Variants in TMEM132C observed in about 807,000 individuals in gnomAD.
TMEM132C encodes the protein protein phosphatase 1, regulatory subunit 152.
TMEM132C carries 29 observed loss-of-function variants against 61.4 expected under a neutral mutation model. That is an observed-to-expected ratio of 0.47 (90% CI 0.35 to 0.64). The LOEUF is 0.64. Ranked by LOEUF, TMEM132C falls within the 30% of genes least tolerant of loss-of-function variation. The pLI, the probability that TMEM132C is intolerant of heterozygous loss-of-function variation, is 0.00. For missense variants in TMEM132C, 1,408 were observed against 1,476.9 expected (o/e 0.95, Z 0.76); for synonymous variants, 656 against 633.1 (o/e 1.04, Z -0.54).
At chr12:128,457,305 T>TAA (rs578230110) in intron 2 of TMEM132C, among the ~76,000 whole-genome samples, 5,039 of 120,802 alleles carry the variant, frequency 0.042, 308 homozygotes, top group African/African-American at 0.14. Context: ...TCTCCATCTG[T>TAA]AAAAAAAAAA....
intron 5 of TMEM132C, among the ~76,000 whole-genome samples, chr12:128,692,055 T>C (rs1954724209): frequency 6.7e-6 from 1 of 149,298 alleles, no homozygotes; most frequent in African/African-American, 2.6e-5. Context: ...TACCCATTTG[T>C]CCACCACCCA....
chr12:128,499,363 T>C (rs1055727051), intron 2 of TMEM132C, among the ~76,000 whole-genome samples: 30 of 152,224 alleles, frequency 2.0e-4, no homozygotes, highest in African/African-American at 6.8e-4. Context: ...ATTAGGGTAA[T>C]TGGGGTATCC....
chr12:128,283,762 TC>T (rs780551292), intron 1 of TMEM132C, among the ~76,000 whole-genome samples: 2 of 152,128 alleles, frequency 1.3e-5, no homozygotes, highest in Non-Finnish European at 2.9e-5. Flanking sequence ...AGTTCCCTTT[TC>T]CTAATCCCAG....
At chr12:128,421,155 C>G (rs1565931057) in intron 2 of TMEM132C, among the ~76,000 whole-genome samples, 1 of 152,172 alleles carries the variant, frequency 6.6e-6, no homozygotes, top group Non-Finnish European at 1.5e-5. Context: ...ACCTCTCACC[C>G]TCTCCCCTTC....
intron 2 of TMEM132C, among the ~76,000 whole-genome samples, chr12:128,456,263 C>T (rs189999179): frequency 4.0e-4 from 60 of 150,274 alleles, no homozygotes; most frequent in East Asian, 2.6e-3. Flanking sequence ...GAGATGTTTG[C>T]GTGATTTGCG....
rs146477179 is a variant in TMEM132C at position 128,426,101 on chromosome 12, T to C, written c.974+10481T>C. 2.7e-3 allele frequency among the ~76,000 whole-genome samples: 411 copies of C among 152,348 alleles called. 4 individuals carry two copies. The highest frequency in any genetic ancestry group is 0.017 in the South Asian group (84 of 4,826). ...TGCCCCTTGGCAACACCAGGCCGTG[T>C]TCCCTGTGGTGGAAAAGCAAAGTTA... On this transcript the variant is annotated intron_variant, in intron 2 of 8. Coordinates refer to ENST00000435159, the MANE Select transcript of TMEM132C (RefSeq NM_001136103.3).
At chr12:128,340,793 C>T (rs1713622) in intron 1 of TMEM132C, among the ~76,000 whole-genome samples, 290 of 129,652 alleles carry the variant, frequency 2.2e-3, no homozygotes, top group African/African-American at 9.1e-3. Context: ...CTCTCTCTCT[C>T]TCTCTCTTTC....
chr12:128,559,179 A>T (rs919079350), intron 3 of TMEM132C, among the ~76,000 whole-genome samples: 6 of 143,036 alleles, frequency 4.2e-5, no homozygotes, highest in Non-Finnish European at 8.9e-5. Flanking sequence ...ACACACACAG[A>T]CACACACACA....
intron 3 of TMEM132C, among the ~76,000 whole-genome samples, chr12:128,599,522 C>A (rs1249128829): frequency 6.6e-6 from 1 of 152,164 alleles, no homozygotes; most frequent in East Asian, 1.9e-4. Flanking sequence ...AATAGGATCT[C>A]CATATTTGAA....
intron 2 of TMEM132C, among the ~76,000 whole-genome samples, chr12:128,470,889 G>A (rs1057114583): frequency 6.6e-6 from 1 of 152,008 alleles, no homozygotes; most frequent in South Asian, 2.1e-4. Flanking sequence ...ACACATAATC[G>A]GCAGGCTGCT....
At chr12:128,279,892 C>T (rs891576425) in intron 1 of TMEM132C, among the ~76,000 whole-genome samples, 4 of 152,206 alleles carry the variant, frequency 2.6e-5, no homozygotes, top group African/African-American at 9.7e-5. Flanking sequence ...ACAGAAATTT[C>T]AGCCTATTGT....
Position 128,663,263 on chromosome 12 carries a change from G to A in TMEM132C, c.1306-6154G>A, listed in dbSNP as rs149722511. Among the ~76,000 whole-genome samples, 7 of 152,306 alleles carry A rather than the reference G, an allele frequency of 4.6e-5. No homozygotes were observed. The East Asian group carries it at 1.4e-3, about 29-fold the overall frequency. On this transcript the variant is annotated intron_variant, in intron 4 of 8. Transcript: ENST00000435159. ...GTCACTTCCCTTCCCCATCCCTGCAGCGCCTGACCACCACTAATGCCGTTC... is the reference window on the plus strand; with the variant it reads ...GTCACTTCCCTTCCCCATCCCTGCAACGCCTGACCACCACTAATGCCGTTC...
chr12:128,283,211 A>T (rs956198675), intron 1 of TMEM132C, among the ~76,000 whole-genome samples: 4 of 152,208 alleles, frequency 2.6e-5, no homozygotes, highest in African/African-American at 9.6e-5. Flanking sequence ...AGGTTTGGCC[A>T]GTGGGAGCCA....
intron 2 of TMEM132C, among the ~76,000 whole-genome samples, chr12:128,436,060 A>G (rs954929615): frequency 5.9e-5 from 9 of 152,212 alleles, no homozygotes; most frequent in East Asian, 1.9e-4. Flanking sequence ...AGGATTCCCT[A>G]TTTAATAAAT....
intron 1 of TMEM132C, among the ~76,000 whole-genome samples, chr12:128,382,950 GTGTA>G (rs58618108): frequency 2.5e-3 from 373 of 152,146 alleles, no homozygotes; most frequent in African/African-American, 7.9e-3. Flanking sequence ...GTGGGTGTGT[GTGTA>G]TGTATGTGTG....
intron 1 of TMEM132C, among the ~76,000 whole-genome samples, chr12:128,379,463 G>A (rs548295105): frequency 2.6e-5 from 4 of 152,168 alleles, no homozygotes; most frequent in Non-Finnish European, 5.9e-5. Flanking sequence ...TAAGACAACA[G>A]GGATTTAATT....
intron 1 of TMEM132C, among the ~76,000 whole-genome samples, chr12:128,291,747 C>T (rs1871253675): frequency 6.6e-6 from 1 of 152,170 alleles, no homozygotes; most frequent in South Asian, 2.1e-4. Context: ...TAGGGAACTG[C>T]ACCTCCCAGG....
chr12:128,624,363 G>A (rs1953994094), intron 4 of TMEM132C, among the ~76,000 whole-genome samples: 1 of 152,040 alleles, frequency 6.6e-6, no homozygotes, highest in Non-Finnish European at 1.5e-5. Flanking sequence ...GGCCAAGATA[G>A]CGAAACCCCG....
intron 1 of TMEM132C, among the ~76,000 whole-genome samples, chr12:128,304,639 A>G (rs1593004292): frequency 7.0e-6 from 1 of 142,646 alleles, no homozygotes; most frequent in South Asian, 2.2e-4. Flanking sequence ...GAAAGAAAGA[A>G]AAAAAAGAAA....
Sources: allele counts gnomAD v4.1 joint callset (sites outside exome capture counted in the v4.1 genomes callset), GRCh38; gene constraint gnomAD v4.1.1; transcripts MANE v1.5; gene names NCBI Gene and HGNC (gene_info 2026-07-23, HGNC 2026-07-21).